PRKN: variants seen among roughly 807,000 people sequenced by gnomAD.
PRKN encodes the protein parkin RBR E3 ubiquitin protein ligase, also known as E3 ubiquitin-protein ligase parkin.
A neutral mutation model predicts 59.5 loss-of-function variants in PRKN; 56 were observed. The ratio of observed to expected loss-of-function variants is 0.94; its 90% CI spans 0.76 to 1.18. The LOEUF (loss-of-function observed/expected upper bound fraction) is 1.18. Ranked by LOEUF, PRKN falls within the 50% of genes most tolerant of loss-of-function variation. PRKN has a pLI of 0.00. For synonymous variants in PRKN, 250 were observed against 222.1 expected (o/e 1.13, Z -1.12); for missense variants, 657 against 596.4 (o/e 1.10, Z -1.06).
chr6:161,490,780 G>A (rs1351168921), intron 9 of PRKN, among the ~76,000 whole-genome samples: 1 of 152,122 alleles, frequency 6.6e-6, no homozygotes, highest in East Asian at 1.9e-4. Context: ...AGTGTTGACT[G>A]GATTGTGGGG....
At chr6:162,387,618 C>T (rs1287646632) in intron 2 of PRKN, among the ~76,000 whole-genome samples, 3 of 140,910 alleles carry the variant, frequency 2.1e-5, no homozygotes, top group African/African-American at 7.9e-5. Flanking sequence ...AAATTTTCCA[C>T]TTGTCTGCAA....
intron 10 of PRKN, among the ~76,000 whole-genome samples, chr6:161,382,742 T>C (rs1786052222): frequency 6.6e-6 from 1 of 152,216 alleles, no homozygotes; most frequent in Non-Finnish European, 1.5e-5. Context: ...TTGTTCAATA[T>C]TTTAAAACCA....
intron 9 of PRKN, among the ~76,000 whole-genome samples, chr6:161,519,220 G>T (rs1778729096): frequency 6.6e-6 from 1 of 152,056 alleles, no homozygotes; most frequent in Non-Finnish European, 1.5e-5. Context: ...TGTGTGGATG[G>T]TGCTGTTCAA....
At chr6:162,133,758 C>T (rs181733637) in intron 4 of PRKN, among the ~76,000 whole-genome samples, 42 of 152,114 alleles carry the variant, frequency 2.8e-4, no homozygotes, top group Non-Finnish European at 4.3e-4. Context: ...CCCATGTGGC[C>T]GGTGTGCATT....
At chr6:162,303,764 A>C (rs1302632860) in intron 2 of PRKN, among the ~76,000 whole-genome samples, 1 of 152,166 alleles carries the variant, frequency 6.6e-6, no homozygotes, top group African/African-American at 2.4e-5. Context: ...TTTGCTTAAC[A>C]GAGAAGGAAA....
intron 3 of PRKN, among the ~76,000 whole-genome samples, chr6:162,238,301 G>A (rs984442985): frequency 6.6e-6 from 1 of 152,138 alleles, no homozygotes; most frequent in Non-Finnish European, 1.5e-5. Context: ...TTGTCTAGGG[G>A]CAATAGGCTA....
chr6:162,438,807 T>C (rs1789905029), intron 2 of PRKN, among the ~76,000 whole-genome samples: 1 of 152,234 alleles, frequency 6.6e-6, no homozygotes, highest in African/African-American at 2.4e-5. Flanking sequence ...CTCAGCTTTA[T>C]AAATCCATCT....
At chr6:161,646,457 C>T (rs188109389) in intron 7 of PRKN, among the ~76,000 whole-genome samples, 2 of 104,308 alleles carry the variant, frequency 1.9e-5, no homozygotes, top group African/African-American at 6.9e-5. Flanking sequence ...GAGGAGGCGG[C>T]GTATTAGTGA....
At chr6:162,391,412 G>T (rs775754634) in intron 2 of PRKN, among the ~76,000 whole-genome samples, 3 of 151,388 alleles carry the variant, frequency 2.0e-5, no homozygotes, top group African/African-American at 7.3e-5. Flanking sequence ...CATCTGCAAT[G>T]ACTTCCTCCT....
chr6:162,115,419 G>GCAC (rs1780626700), intron 4 of PRKN, among the ~76,000 whole-genome samples: 1 of 151,724 alleles, frequency 6.6e-6, no homozygotes, highest in African/African-American at 2.4e-5. Context: ...TGGGTGCAGC[G>GCAC]CACCAGCAAG....
chr6:162,679,698 T>C (rs998210064), intron 1 of PRKN, among the ~76,000 whole-genome samples: 3 of 152,160 alleles, frequency 2.0e-5, no homozygotes, highest in Non-Finnish European at 4.4e-5. Context: ...GTAGGCCAAA[T>C]GTTCCCTGAT....
rs923673051 is a variant in PRKN, at chr6:161,560,317, C to A, written c.933+9038G>T. Among the ~76,000 whole-genome samples the A allele has an allele frequency of 1.3e-5, 2 of 152,134 alleles. No homozygotes were observed. Among genetic ancestry groups the A allele is most frequent in the African/African-American group, 4.8e-5 (2 of 41,422 alleles). Reference sequence around the variant, plus strand: ...TGAAGGCTGCTTTTCATTTCATATTCACATCTTTCAAGGCCAGAGGTGAAG... The same window carrying A: ...TGAAGGCTGCTTTTCATTTCATATTAACATCTTTCAAGGCCAGAGGTGAAG... On this transcript the variant is annotated intron_variant, in intron 8 of 11. Coordinates refer to ENST00000366898, the MANE Select transcript of PRKN (RefSeq NM_004562.3). The surrounding 1 kb of genome is among the most constrained non-coding windows in gnomAD (Gnocchi z 4.9).
intron 2 of PRKN, among the ~76,000 whole-genome samples, chr6:162,300,489 G>A (rs1371605337): frequency 6.6e-6 from 1 of 151,960 alleles, no homozygotes; most frequent in East Asian, 1.9e-4. Context: ...ATGTTATGCA[G>A]CTCTCTGCGT....
chr6:161,545,034 T>C lies in PRKN; in HGVS notation c.1083+3820A>G. 1 of 465,002 alleles carries C rather than the reference T, an allele frequency of 2.2e-6. No individual in the cohort carries two copies. The highest frequency in any genetic ancestry group is 3.0e-6 in the Non-Finnish European group (1 of 332,312). 28.8% of individuals were successfully genotyped at this position (465,002 alleles called of 1,614,324 possible). A position where few individuals can be genotyped will look rare whatever the true frequency, so the allele number is the denominator to read the frequency against. ...GGTCGTGGGTGAAATGACTAGAAGA[T>C]TAGAATCCTCTGGAGCCCAGAGCTC... On this transcript the variant is annotated intron_variant, in intron 9 of 11. Coordinates refer to ENST00000366898, the MANE Select transcript of PRKN (RefSeq NM_004562.3). This position sits in a 1 kb window ranked among gnomAD's most constrained non-coding sequence, Gnocchi z 4.1.
At chr6:162,196,199 G>A (rs569075121) in intron 4 of PRKN, among the ~76,000 whole-genome samples, 24 of 152,238 alleles carry the variant, frequency 1.6e-4, no homozygotes, top group Non-Finnish European at 3.1e-4. Context: ...GGGGAAGGAG[G>A]AGGCTTGGTT....
intron 3 of PRKN, among the ~76,000 whole-genome samples, chr6:162,226,086 AATAAT>A (rs1778165052): frequency 8.4e-6 from 1 of 118,958 alleles, no homozygotes; most frequent in Non-Finnish European, 1.7e-5. Context: ...TAATAATAAT[AATAAT>A]AATAATAAAA....
At position 161,549,028 on chromosome 6, in the gene PRKN, A is replaced by G. The variant is rs1329886136; in HGVS notation, c.934-25T>C. The G allele has an allele frequency of 2.5e-6, 4 of 1,613,960 alleles. No homozygotes were observed. Among genetic ancestry groups the G allele is most frequent in the East Asian group, 4.5e-5 (2 of 44,888 alleles). ...ACTGCAAAACCCAAAAAGCAGATTG[A>G]GCTTTCAAACTGACTGCAAATTTCA... On this transcript the variant is annotated intron_variant, in intron 8 of 11. Coordinates refer to ENST00000366898, the MANE Select transcript of PRKN (RefSeq NM_004562.3). The surrounding 1 kb of genome is among the most constrained non-coding windows in gnomAD (Gnocchi z 6.0).
Position 162,268,337 on chromosome 6 carries a change from G to T in PRKN, c.172-5572C>A, listed in dbSNP as rs146701813. ...TTAGTGCCCTTATAAGGCAGTGCAAGTGACTTTCTGTCCTTTTTGCCCTTT... is the reference window on the plus strand; with the variant it reads ...TTAGTGCCCTTATAAGGCAGTGCAATTGACTTTCTGTCCTTTTTGCCCTTT... On this transcript the variant is annotated intron_variant, in intron 2 of 11. Transcript: ENST00000366898. Among the ~76,000 whole-genome samples, 9 of 152,308 alleles carry T rather than the reference G, an allele frequency of 5.9e-5. No individual in the cohort carries two copies. In the East Asian group the frequency reaches 1.7e-3, roughly 29 times the overall value.
intron 6 of PRKN, among the ~76,000 whole-genome samples, chr6:161,827,496 T>G (rs1485692833): frequency 3.4e-5 from 5 of 146,630 alleles, no homozygotes; most frequent in Non-Finnish European, 7.4e-5. Context: ...TGTATTCACC[T>G]CAATTGATTT....
Sources: allele counts gnomAD v4.1 joint callset (sites outside exome capture counted in the v4.1 genomes callset), GRCh38; gene constraint gnomAD v4.1.1; non-coding constraint Gnocchi (gnomAD v3.1); transcripts MANE v1.5; gene names NCBI Gene and HGNC (gene_info 2026-07-23, HGNC 2026-07-21).